Variants in UBR4 observed in about 807,000 individuals in gnomAD.
The protein encoded by UBR4 is E3 ubiquitin-protein ligase UBR4.
UBR4 carries 124 observed loss-of-function variants against 575.6 expected under a neutral mutation model. The ratio of observed to expected loss-of-function variants is 0.22; its 90% confidence interval spans 0.19 to 0.25. The LOEUF (loss-of-function observed/expected upper bound fraction) is 0.25. Among genes scored for constraint, UBR4 ranks in the 10% least tolerant of loss-of-function variants. The pLI is 1.00. For synonymous variants in UBR4, 2,455 were observed against 2,473.7 expected, an observed-to-expected ratio of 0.99 and a Z score of 0.22; for missense variants, 4,818 against 6,478.8, an observed-to-expected ratio of 0.74 and a Z score of 8.80.
At position 19,115,463 on chromosome 1, in the gene UBR4, C is replaced by T. The variant is rs148043514; in HGVS notation, c.10998G>A (p.Ser3666=). The change falls in exon 74 of 106, where the codon TCG becomes TCA. Residue 3666 remains serine, a synonymous_variant. Transcript: ENST00000375254. ...ETLQCPRCSA[S]VPANPGVCGN... is the part of the protein sequence containing the mutation. The stretch of plus-strand genomic sequence containing the variant: ...CACAGACTCCTGGGTTGGCAGGGAC[C>T]GAGGCACTACAGCGAGGGCACTGCA... 756 of 1,614,124 alleles carry T rather than the reference C, an allele frequency of 4.7e-4. 4 individuals carry two copies. The highest frequency in any genetic ancestry group is 1.8e-3 in the Middle Eastern group (11 of 6,062).
chr1:19,152,960 G>A lies in UBR4; in HGVS notation c.6832+341C>T, dbSNP rs1032669326. ...CCACCAGCTCAGAGACCTGTGGTGG[G>A]CTCTTCACTACTCAGTGGGAAATTA... On this transcript the variant is annotated intron_variant, in intron 46 of 105. Transcript: ENST00000375254. The surrounding 1 kb of genome is among the most constrained non-coding windows in gnomAD (Gnocchi z 4.4). Among the ~76,000 whole-genome samples, 2 of 152,180 alleles carry A rather than the reference G, an allele frequency of 1.3e-5. No individual in the cohort carries two copies. Among genetic ancestry groups the A allele is most frequent in the South Asian group, 4.1e-4 (2 of 4,826 alleles).
At chr1:19,132,605 T>TAA in intron 60 of UBR4, among the ~76,000 whole-genome samples, 18 of 24,094 alleles carry the variant, frequency 7.5e-4, no homozygotes, top group South Asian at 3.0e-3. Context: ...TAAAAAATGG[T>TAA]AAAAAAAAAA....
At chr1:19,151,251 A>T in intron 48 of UBR4, 1 of 335,866 alleles carries the variant, frequency 3.0e-6, no homozygotes, top group South Asian at 3.4e-5. Flanking sequence ...TTTAGTTTTC[A>T]GTGGCATAGC....
At chr1:19,203,278 A>G (rs1571840279) in intron 1 of UBR4, among the ~76,000 whole-genome samples, 2 of 151,300 alleles carry the variant, frequency 1.3e-5, no homozygotes, top group Admixed American at 1.3e-4. Flanking sequence ...AGGCTGGTGG[A>G]TTATCTGAGG....
At chr1:19,136,960 G>C (rs903314386) in intron 60 of UBR4, among the ~76,000 whole-genome samples, 1 of 151,722 alleles carries the variant, frequency 6.6e-6, no homozygotes, top group Middle Eastern at 3.4e-3. Context: ...TCTGATGCCT[G>C]ACTGCATCAG....
chr1:19,204,495 T>C (rs1313604895), intron 1 of UBR4, among the ~76,000 whole-genome samples: 2 of 151,742 alleles, frequency 1.3e-5, no homozygotes, highest in African/African-American at 4.8e-5. Context: ...CTTAGCCTAT[T>C]GCTTTCATAC....
At position 19,100,140 on chromosome 1, in the gene UBR4, C is replaced by T. The variant is rs1030487403; in HGVS notation, c.13221+236G>A. The T allele has an allele frequency of 9.0e-6, 5 of 558,244 alleles. No individual in the cohort carries two copies. Among genetic ancestry groups the T allele is most frequent in the Admixed American group, 3.2e-5 (1 of 31,162 alleles). The allele number at this position is 558,244 out of a possible 1,614,324, so 34.6% of individuals were successfully genotyped here. A position where few individuals can be genotyped will look rare whatever the true frequency, so the allele number is the denominator to read the frequency against. On this transcript the variant is annotated intron_variant, in intron 89 of 105. Coordinates refer to ENST00000375254, the MANE Select transcript of UBR4 (RefSeq NM_020765.3). This position sits in a 1 kb window ranked among gnomAD's most constrained non-coding sequence, Gnocchi z 4.2. ...ACCCACCACCACTACAACCAACAGC[C>T]ATTAACAATATGCTTACTTCCTGCC...
chr1:19,181,316 C>T (rs1278849344), intron 17 of UBR4, among the ~76,000 whole-genome samples: 4 of 152,024 alleles, frequency 2.6e-5, no homozygotes, highest in African/African-American at 4.8e-5. Flanking sequence ...ACTGCTTGAG[C>T]CCAGAGTTCA....
chr1:19,100,172 T>C lies in UBR4; in HGVS notation c.13221+204A>G. On this transcript the variant is annotated intron_variant, in intron 89 of 105. Coordinates refer to ENST00000375254, the MANE Select transcript of UBR4 (RefSeq NM_020765.3). The surrounding 1 kb of genome is among the most constrained non-coding windows in gnomAD (Gnocchi z 4.2). ...AATATGCTTACTTCCTGCCAGGCAC[T>C]GGGCAGAGCCCTTTACAGGTTATTA... The C allele has an allele frequency of 6.7e-6, 4 of 594,034 alleles. No homozygotes were observed. The highest frequency in any genetic ancestry group is 3.0e-5 in the Admixed American group (1 of 32,956). 36.8% of individuals were successfully genotyped at this position (594,034 alleles called of 1,614,324 possible).
At position 19,103,425 on chromosome 1, in the gene UBR4, G is replaced by A. The variant is rs543863778; in HGVS notation, c.12901+659C>T. On this transcript the variant is annotated intron_variant, in intron 87 of 105. Coordinates refer to ENST00000375254, the MANE Select transcript of UBR4 (RefSeq NM_020765.3). The stretch of plus-strand genomic sequence containing the variant: ...ACTAAAAATACAAAATTAGCTGGGC[G>A]TGGTGGTGCATGCCTGTAATCCCAG... 3.0e-4 allele frequency among the ~76,000 whole-genome samples: 45 copies of A among 152,202 alleles called. No individual in the cohort carries two copies. In the East Asian group the frequency reaches 7.1e-3, roughly 24 times the overall value.
chr1:19,185,774 A>T (rs545164248), intron 14 of UBR4, among the ~76,000 whole-genome samples: 1 of 151,858 alleles, frequency 6.6e-6, no homozygotes, highest in South Asian at 2.1e-4. Flanking sequence ...GTTTCACCAT[A>T]TTGGCCAGGC....
Position 19,112,521 on chromosome 1 carries a change from G to A in UBR4, c.11801+3C>T, listed in dbSNP as rs1237330576. 3 of 1,605,104 alleles carry A rather than the reference G, an allele frequency of 1.9e-6. No individual in the cohort carries two copies. The highest frequency in any genetic ancestry group is 2.6e-6 in the Non-Finnish European group (3 of 1,175,320). ...GGCCCATAACCATGGTGTAGGTACTGACCGAGTTAGGAGGCACATGAGCTG... is the reference window on the plus strand; with the variant it reads ...GGCCCATAACCATGGTGTAGGTACTAACCGAGTTAGGAGGCACATGAGCTG... On this transcript the variant is annotated splice_donor_region_variant and intron_variant, in intron 78 of 105. Coordinates refer to ENST00000375254, the MANE Select transcript of UBR4 (RefSeq NM_020765.3).
intron 60 of UBR4, among the ~76,000 whole-genome samples, chr1:19,134,086 TAAAAAAAAA>T (rs71030132): frequency 2.5e-4 from 13 of 52,510 alleles, no homozygotes; most frequent in East Asian, 6.8e-4. Flanking sequence ...ACTCTGTCTC[TAAAAAAAAA>T]AAAAAAAAAA....
At chr1:19,085,386 G>A (rs1341112655) in intron 101 of UBR4, among the ~76,000 whole-genome samples, 1 of 152,222 alleles carries the variant, frequency 6.6e-6, no homozygotes, top group Admixed American at 6.5e-5. Context: ...GCTGGGCATG[G>A]TGGCAGGCAC....
intron 27 of UBR4, among the ~76,000 whole-genome samples, 172 bp downstream of exon 27, chr1:19,169,263 G>A (rs1197405823): frequency 6.6e-6 from 1 of 152,178 alleles, no homozygotes; most frequent in Non-Finnish European, 1.5e-5. Context: ...AGCCATATGA[G>A]AACCAACTAG....
intron 64 of UBR4, 90 bp from the exon 65 acceptor site, chr1:19,124,780 A>G: frequency 3.3e-6 from 5 of 1,515,456 alleles, no homozygotes; most frequent in Non-Finnish European, 4.4e-6. Flanking sequence ...GACGTATTAC[A>G]TGTTGGAGGT....
At chr1:19,090,604 T>G (rs61766780) in intron 97 of UBR4, among the ~76,000 whole-genome samples, 5 of 152,182 alleles carry the variant, frequency 3.3e-5, no homozygotes, top group Admixed American at 2.6e-4. Flanking sequence ...TAGTTACTAC[T>G]CTGTATTTGG....
Position 19,153,707 on chromosome 1 carries a change from A to G in UBR4, c.6630+61T>C, listed in dbSNP as rs538317658. On this transcript the variant is annotated intron_variant, in intron 45 of 105. Transcript: ENST00000375254. The surrounding 1 kb of genome is among the most constrained non-coding windows in gnomAD (Gnocchi z 4.1). ...AGAGCTGGGAAAGTGAAATGAATAT[A>G]CAAACATAAAAAGAGACCAGGTTCA... is the stretch of plus-strand genomic sequence containing the variant. The G allele has an allele frequency of 6.4e-7, 1 of 1,559,704 alleles. No individual in the cohort carries two copies. Among genetic ancestry groups the G allele is most frequent in the East Asian group, 2.2e-5 (1 of 44,472 alleles).
rs1308192425 is a variant in UBR4 at position 19,150,562 on chromosome 1, T to A, written c.7430+15A>T. On this transcript the variant is annotated intron_variant, in intron 49 of 105. Coordinates refer to ENST00000375254, the MANE Select transcript of UBR4 (RefSeq NM_020765.3). ...ATATGTAAAAACTGAAGCCAACCCC[T>A]GCCAGCACTGGTACCTCTCCAGGAC... The A allele has an allele frequency of 1.2e-6, 2 of 1,612,292 alleles. No homozygotes were observed. The highest frequency in any genetic ancestry group is 1.3e-5 in the African/African-American group (1 of 74,866).
Sources: allele counts gnomAD v4.1 joint callset (sites outside exome capture counted in the v4.1 genomes callset), GRCh38; gene constraint gnomAD v4.1.1; non-coding constraint Gnocchi (gnomAD v3.1); transcripts MANE v1.5; gene names NCBI Gene and HGNC (gene_info 2026-07-23, HGNC 2026-07-21).